Variants in DTNA observed in about 807,000 individuals in gnomAD.
DTNA encodes the protein dystrobrevin alpha, also known as dystrophin-related protein 3.
A neutral mutation model predicts 100.7 loss-of-function variants in DTNA; 43 were observed. That is an observed-to-expected ratio of 0.43 (90% CI 0.33 to 0.55). The LOEUF is 0.55. Ranked by LOEUF, DTNA falls within the 20% of genes least tolerant of loss-of-function variation. DTNA has a pLI of 0.04. For missense variants in DTNA, 798 were observed against 953.9 expected, an observed-to-expected ratio of 0.84 and a Z score of 2.15; for synonymous variants, 349 against 347.9, an observed-to-expected ratio of 1.00 and a Z score of -0.04.
At chr18:34,680,733 G>C (rs2077987198) in intron 1 of DTNA, among the ~76,000 whole-genome samples, 1 of 152,012 alleles carries the variant, frequency 6.6e-6, no homozygotes, top group African/African-American at 2.4e-5. Context: ...AGCTAAACTT[G>C]GTGCCCATCA....
chr18:34,508,750 C>T (rs369483316), intron 1 of DTNA, among the ~76,000 whole-genome samples: 32 of 152,084 alleles, frequency 2.1e-4, no homozygotes, highest in Non-Finnish European at 4.0e-4. Context: ...CACATAGTAT[C>T]CACCTCTTCT....
chr18:34,721,116 A>G (rs1487691751), intron 1 of DTNA, among the ~76,000 whole-genome samples: 1 of 152,176 alleles, frequency 6.6e-6, no homozygotes, highest in Admixed American at 6.5e-5. Flanking sequence ...AATCAAGCTC[A>G]ATTACTTTCC....
intron 1 of DTNA, among the ~76,000 whole-genome samples, chr18:34,521,112 C>T (rs1335246361): frequency 6.6e-6 from 1 of 152,166 alleles, no homozygotes; most frequent in Non-Finnish European, 1.5e-5. Context: ...CTCAATATTT[C>T]AAACAACTCT....
chr18:34,595,148 A>G lies in DTNA; in HGVS notation c.-2+101634A>G, dbSNP rs543285425. 2.0e-5 allele frequency among the ~76,000 whole-genome samples: 3 copies of G among 152,360 alleles called. No homozygotes were observed. In the East Asian group the frequency reaches 5.8e-4, roughly 29 times the overall value. On this transcript the variant is annotated intron_variant, in intron 1 of 19. Transcript: ENST00000283365. ...CATACTGGGTGCCTTGTGACATTGT[A>G]TTACCAGTTGTGTACTGAATGGTTG...
intron 1 of DTNA, among the ~76,000 whole-genome samples, chr18:34,737,157 G>A (rs1477650461): frequency 6.6e-6 from 1 of 152,044 alleles, no homozygotes; most frequent in East Asian, 1.9e-4. Context: ...GAAACAGAAC[G>A]GTATATTTTA....
At chr18:34,724,092 AT>A (rs1295334566) in intron 1 of DTNA, among the ~76,000 whole-genome samples, 1 of 152,344 alleles carries the variant, frequency 6.6e-6, no homozygotes, top group East Asian at 1.9e-4. Flanking sequence ...GTTGAAAGCC[AT>A]TCTCACACTT....
intron 17 of DTNA, among the ~76,000 whole-genome samples, chr18:34,869,566 A>C (rs1360890466): frequency 1.3e-5 from 2 of 152,246 alleles, no homozygotes; most frequent in African/African-American, 4.8e-5. Flanking sequence ...TTTCGCCATA[A>C]TTTGAGTAGG....
rs192587075 is a variant in DTNA, at chr18:34,817,633, A to G, written c.710-531A>G. On this transcript the variant is annotated intron_variant, in intron 7 of 22. Transcript: ENST00000444659. ...GGCAACACCACTCGTTAAGTAAGCC[A>G]TTAGTCACTCTATTTTTTAAAAAAT... Among the ~76,000 whole-genome samples, 534 of 152,320 alleles carry G rather than the reference A, an allele frequency of 3.5e-3. 2 individuals carry two copies. The highest frequency in any genetic ancestry group is 4.6e-3 in the Non-Finnish European group (313 of 68,028).
intron 1 of DTNA, among the ~76,000 whole-genome samples, chr18:34,525,878 G>A (rs930578963): frequency 2.6e-5 from 4 of 152,066 alleles, no homozygotes; most frequent in African/African-American, 9.7e-5. Context: ...TATTTACCCT[G>A]GCTGTGAATA....
chr18:34,882,307 C>A (rs1298409978), intron 21 of DTNA, 106 bp downstream of exon 21: 1 of 1,466,518 alleles, frequency 6.8e-7, no homozygotes, highest in Non-Finnish European at 9.3e-7. Context: ...CTTCCACCCT[C>A]CCTTTTCAAA....
At chr18:34,819,868 T>C (rs1298899775) in intron 8 of DTNA, among the ~76,000 whole-genome samples, 1 of 151,928 alleles carries the variant, frequency 6.6e-6, no homozygotes, top group Non-Finnish European at 1.5e-5. Context: ...ATATTACCAA[T>C]TATGGACTCT....
chr18:34,778,724 A>T (rs947688749), intron 3 of DTNA, among the ~76,000 whole-genome samples: 2 of 152,230 alleles, frequency 1.3e-5, no homozygotes, highest in African/African-American at 4.8e-5. Context: ...CCCCTAAAAA[A>T]TGTTCGTGAA....
chr18:34,573,427 T>C (rs942644357), intron 1 of DTNA, among the ~76,000 whole-genome samples: 45 of 152,214 alleles, frequency 3.0e-4, no homozygotes, highest in African/African-American at 9.6e-4. Flanking sequence ...AAGGAACTTA[T>C]GAAGAACATG....
At chr18:34,829,213 T>C in intron 10 of DTNA, 187 bp from the exon 11 acceptor site, 3 of 1,563,752 alleles carry the variant, frequency 1.9e-6, no homozygotes, top group Non-Finnish European at 2.6e-6. Flanking sequence ...TGGAATGTTC[T>C]CTGTGAACCA....
chr18:34,660,722 C>T (rs2075068632), intron 1 of DTNA, among the ~76,000 whole-genome samples: 1 of 152,106 alleles, frequency 6.6e-6, no homozygotes, highest in Admixed American at 6.6e-5. Context: ...CCAGACATTC[C>T]CTTCTGTTGA....
chr18:34,802,726 C>T (rs967459716), intron 4 of DTNA, among the ~76,000 whole-genome samples: 6 of 152,152 alleles, frequency 3.9e-5, no homozygotes, highest in African/African-American at 1.4e-4. Context: ...ATCTCACAGT[C>T]TCTATAATTT....
chr18:34,728,750 C>T (rs1019320934), intron 1 of DTNA, among the ~76,000 whole-genome samples: 8 of 152,164 alleles, frequency 5.3e-5, no homozygotes, highest in African/African-American at 1.9e-4. Flanking sequence ...AAAACCAAAC[C>T]TTATGCCTCT....
Position 34,631,369 on chromosome 18 carries a change from A to T in DTNA, c.-1-124607A>T, listed in dbSNP as rs75895658. ...TATATAAGGATTAACAGTTATTTTT[A>T]TTATTCCAATTTTAATTTCACAATA... On this transcript the variant is annotated intron_variant, in intron 1 of 19. Transcript: ENST00000283365. Among the ~76,000 whole-genome samples the T allele has an allele frequency of 1.6e-3, 241 of 152,268 alleles. 2 individuals carry two copies. In the East Asian group the frequency reaches 0.021, roughly 13 times the overall value.
At chr18:34,559,049 T>C (rs1203414680) in intron 1 of DTNA, among the ~76,000 whole-genome samples, 1 of 152,216 alleles carries the variant, frequency 6.6e-6, no homozygotes, top group African/African-American at 2.4e-5. Flanking sequence ...AGAAGCAAGC[T>C]GTGTGGTGAG....
Sources: allele counts gnomAD v4.1 joint callset (sites outside exome capture counted in the v4.1 genomes callset), GRCh38; gene constraint gnomAD v4.1.1; transcripts MANE v1.5; gene names NCBI Gene and HGNC (gene_info 2026-07-23, HGNC 2026-07-21).